The following ENAM variants were observed in gnomAD, a reference collection of about 807,000 sequenced individuals.
The protein encoded by ENAM is amelogenesis imperfecta 2, hypocalcification (autosomal dominant).
ENAM carries 21 observed loss-of-function variants against 33.6 expected under a neutral mutation model. The observed-to-expected ratio is 0.63, with a 90% CI of 0.44 to 0.90. The LOEUF is 0.90. Ranked by LOEUF, ENAM falls within the 40% of genes least tolerant of loss-of-function variation. The pLI, the probability that ENAM is intolerant of heterozygous loss-of-function variation, is 0.00. For missense variants in ENAM, 1,388 were observed against 1,366.9 expected, an observed-to-expected ratio of 1.02 and a Z score of -0.24; for synonymous variants, 473 against 468.4, an observed-to-expected ratio of 1.01 and a Z score of -0.13.
At position 70,643,874 on chromosome 4, in the gene ENAM, G is replaced by A. The variant is rs546108110; in HGVS notation, c.2448G>A (p.Gly816=). ...CCTATTACAGTAACACCCCAGCTGG[G>A]CTTCAGAAAAATCCAATATGGCATG... The part of the protein sequence containing the change: ...NQPYYSNTPA[G]LQKNPIWHEG... Residue 816 remains glycine, a synonymous_variant, in exon 9 of 9, where the codon GGG becomes GGA. Coordinates refer to ENST00000396073, the MANE Select transcript of ENAM (RefSeq NM_031889.3). The A allele has an allele frequency of 6.2e-7, 1 of 1,614,172 alleles. No individual in the cohort carries two copies. Among genetic ancestry groups the A allele is most frequent in the East Asian group, 2.2e-5 (1 of 44,874 alleles).
intron 5 of ENAM, 36 bp from the exon 6 acceptor site, chr4:70,634,272 C>G (rs770975485): frequency 4.4e-6 from 7 of 1,607,278 alleles, no homozygotes; most frequent in Non-Finnish European, 5.1e-6. Flanking sequence ...AATCACAGCT[C>G]TATTATGATT....
At chr4:70,637,508 G>A (rs533115663) in intron 7 of ENAM, among the ~76,000 whole-genome samples, 60 of 152,164 alleles carry the variant, frequency 3.9e-4, no homozygotes, top group African/African-American at 1.4e-3. Context: ...TTGAGTGTTG[G>A]AGGTGGTAAG....
intron 8 of ENAM, among the ~76,000 whole-genome samples, chr4:70,641,067 A>G (rs1056221258): frequency 6.6e-6 from 1 of 152,214 alleles, no homozygotes; most frequent in African/African-American, 2.4e-5. Context: ...ATTTTATAGG[A>G]CCTGATTATT....
Position 70,637,818 on chromosome 4 carries a change from C to T in ENAM, c.563C>T (p.Pro188Leu), listed in dbSNP as rs1738494193. ...TTACCACCACCAGGTTATGGACGCC[C>T]ACCAATCAGCAATGAAGAAGGGGGG... is the stretch of plus-strand genomic sequence containing the variant. The part of the protein sequence containing the change: ...QRLPPPGYGR[P>L]PISNEEGGNP... The change falls in exon 8 of 9, where the codon CCA (proline) becomes CTA (leucine). Residue 188 changes from proline to leucine, a missense_variant. Transcript: ENST00000396073. 2 of 1,613,506 alleles carry T rather than the reference C, an allele frequency of 1.2e-6. No individual in the cohort carries two copies. The highest frequency in any genetic ancestry group is 1.7e-6 in the Non-Finnish European group (2 of 1,179,466).
At chr4:70,636,566 C>T (rs560166925) in intron 7 of ENAM, among the ~76,000 whole-genome samples, 35 of 152,072 alleles carry the variant, frequency 2.3e-4, no homozygotes, top group Admixed American at 9.8e-4. Flanking sequence ...GTCAGGAGTT[C>T]GAGACCAGCC....
Position 70,643,130 on chromosome 4 carries a change from C to A in ENAM, c.1704C>A (p.Asp568Glu). Residue 568 changes from aspartate to glutamate, a missense_variant, in exon 9 of 9, where the codon GAC (aspartate) becomes GAA (glutamate). Asp to Glu is a conservative substitution (Grantham distance 45). Transcript: ENST00000396073. ...EHFPAGRNTWDHQEISPPFKE... is the reference protein window; with the variant it reads ...EHFPAGRNTWEHQEISPPFKE... Reference sequence around the variant, plus strand: ...TTCCTGCTGGAAGAAATACTTGGGACCACCAAGAAATCTCTCCACCTTTTA... The same window carrying A: ...TTCCTGCTGGAAGAAATACTTGGGAACACCAAGAAATCTCTCCACCTTTTA... 1 of 1,613,972 alleles carries A rather than the reference C, an allele frequency of 6.2e-7. No individual in the cohort carries two copies. Among genetic ancestry groups the A allele is most frequent in the East Asian group, 2.2e-5 (1 of 44,856 alleles).
In ENAM at chr4:70,646,058, TG is replaced by T. The variant is rs1738752760; in HGVS notation, c.*1204del. 1 of 149,042 alleles carries T rather than the reference TG, an allele frequency of 6.7e-6. No individual in the cohort carries two copies. The allele number at this position is 149,042 out of a possible 1,614,324, so 9.2% of individuals were successfully genotyped here. On this transcript the variant is annotated 3_prime_UTR_variant, in exon 9 of 9. Coordinates refer to ENST00000396073, the MANE Select transcript of ENAM (RefSeq NM_031889.3). ...CTTAAATAAAAACTCAATGTTTAGT[TG>T]TTTTTTTTTTTTTTTACTAGTTCAG...
At chr4:70,632,021 T>C (rs1222536583) in intron 4 of ENAM, 128 bp downstream of exon 4, 5 of 903,476 alleles carry the variant, frequency 5.5e-6, no homozygotes, top group South Asian at 1.4e-5. Context: ...AGAGGGAGAT[T>C]TGAAAGTCTT....
In ENAM at chr4:70,643,311, A is replaced by G. The variant is rs1738652358; in HGVS notation, c.1885A>G (p.Thr629Ala). ...GGATGAGAGAGATGATTCTCCCAAT[A>G]CTATGGGGCAAAAAGAAAGTCCACT... is the stretch of plus-strand genomic sequence containing the variant. The part of the protein sequence containing the change: ...TWDERDDSPN[T>A]MGQKESPLYP... Residue 629 changes from threonine to alanine, a missense_variant, in exon 9 of 9, where the codon ACT (threonine) becomes GCT (alanine). Transcript: ENST00000396073. The G allele has an allele frequency of 6.2e-7, 1 of 1,613,874 alleles. No individual in the cohort carries two copies. Among genetic ancestry groups the G allele is most frequent in the Non-Finnish European group, 8.5e-7 (1 of 1,179,838 alleles).
Position 70,629,690 on chromosome 4 carries a change from GGAA to G in ENAM, c.54+143_54+145del, listed in dbSNP as rs1282194395. ...GAGCATCTGCTTTCACAGATGGAAT[GGAA>G]GAAGAACTTACACAGTCATTGTACT... On this transcript the variant is annotated intron_variant, in intron 2 of 8. Coordinates refer to ENST00000396073, the MANE Select transcript of ENAM (RefSeq NM_031889.3). 45 of 779,986 alleles carry G rather than the reference GGAA, an allele frequency of 5.8e-5. 1 individual carries two copies. Among genetic ancestry groups the G allele is most frequent in the East Asian group, 4.7e-4 (19 of 40,786 alleles). The allele number at this position is 779,986 out of a possible 1,614,324, so 48.3% of individuals were successfully genotyped here.
chr4:70,641,609 C>T (rs1220495561), intron 8 of ENAM, among the ~76,000 whole-genome samples: 7 of 151,798 alleles, frequency 4.6e-5, no homozygotes, highest in Non-Finnish European at 7.4e-5. Flanking sequence ...AGGATTGTCT[C>T]GAACTCCTGA....
Position 70,628,756 on chromosome 4 carries a change from A to G in ENAM, c.-269A>G, listed in dbSNP as rs1738237492. 1 of 152,212 alleles carries G rather than the reference A, an allele frequency of 6.6e-6. No individual in the cohort carries two copies. Among genetic ancestry groups the G allele is most frequent in the South Asian group, 2.1e-4 (1 of 4,826 alleles). The allele number at this position is 152,212 out of a possible 1,614,324, so 9.4% of individuals were successfully genotyped here. A position where few individuals can be genotyped will look rare whatever the true frequency, so the allele number is the denominator to read the frequency against. ...GACAAGGAGGAATCTTTTTATTTTG[A>G]GCCTTTTTGATACTGAACATGATAT... On this transcript the variant is annotated 5_prime_UTR_variant, in exon 1 of 9. Coordinates refer to ENST00000396073, the MANE Select transcript of ENAM (RefSeq NM_031889.3).
chr4:70,634,719 G>A (rs996445555), intron 6 of ENAM, 151 bp downstream of exon 6: 4 of 797,258 alleles, frequency 5.0e-6, no homozygotes, highest in Non-Finnish European at 6.4e-6. Context: ...ATGGCAAGTC[G>A]ACTCCAATCT....
chr4:70,630,621 C>T lies in ENAM; in HGVS notation c.55-1049C>T, dbSNP rs145942568. On this transcript the variant is annotated intron_variant, in intron 2 of 8. Transcript: ENST00000396073. ...ATAAATGAATGAACCCCGTTAAAAA[C>T]AATCTCCAAACTTCATACATAAGTC... Among the ~76,000 whole-genome samples, 863 of 152,232 alleles carry T rather than the reference C, an allele frequency of 5.7e-3. 10 individuals carry two copies. Among genetic ancestry groups the T allele is most frequent in the African/African-American group, 0.02 (833 of 41,540 alleles).
chr4:70,643,043 G>T lies in ENAM; in HGVS notation c.1617G>T (p.Lys539Asn). Residue 539 changes from lysine to asparagine, a missense_variant, in exon 9 of 9, where the codon AAG becomes AAT. Lys to Asn is a moderately conservative substitution (Grantham distance 94). Transcript: ENST00000396073. ...CAGAAACTAATCAGTCAGAATTAAA[G>T]CACAGCTCATATCAGCCTGCTGTAT... ...YESETNQSEL[K>N]HSSYQPAVYP... is the part of the protein sequence containing the mutation. 1 of 1,613,986 alleles carries T rather than the reference G, an allele frequency of 6.2e-7. No homozygotes were observed. Among genetic ancestry groups the T allele is most frequent in the Non-Finnish European group, 8.5e-7 (1 of 1,179,968 alleles).
In ENAM at chr4:70,643,252, G is replaced by A. The variant is rs773387057; in HGVS notation, c.1826G>A (p.Arg609Lys). The change falls in exon 9 of 9, where the codon AGG (arginine) becomes AAG (lysine). Residue 609 changes from arginine (R) to lysine (K), a missense_variant. Transcript: ENST00000396073. Reference protein sequence around the residue: ...FYPEYNPYDPRENSPYLRGNT... With the variant: ...FYPEYNPYDPKENSPYLRGNT... ...CCTGAATATAACCCATATGATCCCA[G>A]GGAAAACTCACCATACCTTAGAGGC... 1.9e-6 allele frequency: 3 copies of A among 1,613,920 alleles called. No homozygotes were observed. In the South Asian group the frequency reaches 3.3e-5, roughly 18 times the overall value.
chr4:70,629,543 C>G lies in ENAM; in HGVS notation c.43C>G (p.Leu15Val). Residue 15 changes from leucine (L) to valine (V), a missense_variant, in exon 2 of 9, where the codon CTA (leucine) becomes GTA (valine). Transcript: ENST00000396073. Reference sequence around the variant, plus strand: ...CAGGCTTGGAACCTCTTTTCCTAAACTAGATAACTTGGTGAGTACTTTCAT... The same window carrying G: ...CAGGCTTGGAACCTCTTTTCCTAAAGTAGATAACTTGGTGAGTACTTTCAT... The part of the protein sequence containing the change: ...RCRLGTSFPK[L>V]DNLVPKGKMK... 1 of 1,612,524 alleles carries G rather than the reference C, an allele frequency of 6.2e-7. No homozygotes were observed. The highest frequency in any genetic ancestry group is 8.5e-7 in the Non-Finnish European group (1 of 1,178,732).
chr4:70,643,223 C>A lies in ENAM; in HGVS notation c.1797C>A (p.Phe599Leu). The change falls in exon 9 of 9, where the codon TTC becomes TTA. Residue 599 changes from phenylalanine (F) to leucine (L), a missense_variant. Phe to Leu is a conservative substitution (Grantham distance 22, BLOSUM62 0). Coordinates refer to ENST00000396073, the MANE Select transcript of ENAM (RefSeq NM_031889.3). ...CCCATGGTTCTAGAGGAAGTGTTTT[C>A]TACCCTGAATATAACCCATATGATC... Reference protein sequence around the residue: ...HPSHGSRGSVFYPEYNPYDPR... With the variant: ...HPSHGSRGSVLYPEYNPYDPR... 6.2e-7 allele frequency: 1 copy of A among 1,613,826 alleles called. No homozygotes were observed.
intron 2 of ENAM, among the ~76,000 whole-genome samples, chr4:70,630,661 A>C (rs1029806210): frequency 1.3e-5 from 2 of 152,184 alleles, no homozygotes; most frequent in Non-Finnish European, 2.9e-5. Flanking sequence ...TGTTTAATCA[A>C]GGTATCTAAT....
Sources: gnomAD v4.1 joint callset for allele counts (sites outside exome capture counted in the v4.1 genomes callset) on GRCh38, gnomAD v4.1.1 for gene constraint, MANE v1.5 for transcripts, NCBI Gene and HGNC (gene_info 2026-07-23, HGNC 2026-07-21) for gene names.